SPTBN1: variants seen among roughly 807,000 people sequenced by gnomAD.
SPTBN1 encodes spectrin beta chain, non-erythrocytic 1.
Under a neutral mutation model 266.4 loss-of-function variants are expected in SPTBN1, and 32 were observed. The observed-to-expected ratio is 0.12, with a 90% CI of 0.09 to 0.16. The LOEUF (loss-of-function observed/expected upper bound fraction) is 0.16. SPTBN1 is among the 10% of genes least tolerant of loss of function. SPTBN1 has a pLI of 1.00. For synonymous variants in SPTBN1, 1,336 were observed against 1,162.2 expected, an observed-to-expected ratio of 1.15 and a Z score of -3.04; for missense variants, 2,296 against 3,067.1, an observed-to-expected ratio of 0.75 and a Z score of 5.94.
chr2:54,621,648 C>G (rs1312704084), intron 8 of SPTBN1, 136 bp downstream of exon 8: 3 of 627,678 alleles, frequency 4.8e-6, no homozygotes, highest in Non-Finnish European at 8.6e-6. Context: ...CGGCAGAAGC[C>G]TCTTCATCCT....
chr2:54,580,997 C>T (rs1674857725), intron 2 of SPTBN1, among the ~76,000 whole-genome samples: 1 of 151,854 alleles, frequency 6.6e-6, no homozygotes, highest in African/African-American at 2.4e-5. Context: ...ACTTGGGTGG[C>T]TGAGGCACGA....
rs1036835213 is a variant in SPTBN1, at chr2:54,622,558, T to A, written c.1064+71T>A. On this transcript the variant is annotated intron_variant, in intron 9 of 35. Coordinates refer to ENST00000356805, the MANE Select transcript of SPTBN1 (RefSeq NM_003128.3). Reference sequence around the variant, plus strand: ...CACTGTAGCCAACAGATCCCTATGTTCTGATTTCTGTAATCTCATCTCTTA... The same window carrying A: ...CACTGTAGCCAACAGATCCCTATGTACTGATTTCTGTAATCTCATCTCTTA... 8 of 1,529,272 alleles carry A rather than the reference T, an allele frequency of 5.2e-6. No homozygotes were observed. In the African/African-American group the frequency reaches 1.1e-4, roughly 21 times the overall value. The allele number at this position is 1,529,272 out of a possible 1,614,324, so 94.7% of individuals were successfully genotyped here.
chr2:54,614,002 C>G (rs1392589440), intron 4 of SPTBN1, among the ~76,000 whole-genome samples: 2 of 152,230 alleles, frequency 1.3e-5, no homozygotes, highest in South Asian at 4.1e-4. Context: ...TCAGGATTCT[C>G]AGCGTGAATT....
At chr2:54,472,022 G>GTTTATTTTT (rs1693949855) in intron 1 of SPTBN1, among the ~76,000 whole-genome samples, 1 of 66,802 alleles carries the variant, frequency 1.5e-5, no homozygotes, top group Non-Finnish European at 2.6e-5. Context: ...CCCTGAAGAT[G>GTTTATTTTT]TTTTTTTTTT....
At chr2:54,655,298 G>A in intron 28 of SPTBN1, 90 bp downstream of exon 28, 1 of 1,509,054 alleles carries the variant, frequency 6.6e-7, no homozygotes, top group Non-Finnish European at 9.0e-7. Context: ...GAGATACTGT[G>A]TTTACATTCT....
chr2:54,660,282 TTTTG>T lies in SPTBN1; in HGVS notation c.6420+287_6420+290del, dbSNP rs554852936. On this transcript the variant is annotated intron_variant, in intron 32 of 35. Coordinates refer to ENST00000356805, the MANE Select transcript of SPTBN1 (RefSeq NM_003128.3). Reference sequence around the variant, plus strand: ...CTTGCCTTAAAGCAGCATACTTATTTTTTGTTTATTTATTGTGAGCTTTTTACTT... The same window carrying T: ...CTTGCCTTAAAGCAGCATACTTATTTTTTATTTATTGTGAGCTTTTTACTT... 386 of 1,291,046 alleles carry T rather than the reference TTTTG, an allele frequency of 3.0e-4. 3 individuals carry two copies. The African/African-American group carries it at 5.2e-3, about 17-fold the overall frequency. The allele number at this position is 1,291,046 out of a possible 1,614,324, so 80.0% of individuals were successfully genotyped here.
At chr2:54,549,079 T>C (rs1233962564) in intron 2 of SPTBN1, among the ~76,000 whole-genome samples, 1 of 152,126 alleles carries the variant, frequency 6.6e-6, no homozygotes, top group African/African-American at 2.4e-5. Flanking sequence ...GAAGGGTAGA[T>C]CACTTGAGGT....
At position 54,612,816 on chromosome 2, in the gene SPTBN1, T is replaced by G. The variant is rs565244116; in HGVS notation, c.474+482T>G. Among the ~76,000 whole-genome samples, 7 of 152,330 alleles carry G rather than the reference T, an allele frequency of 4.6e-5. No homozygotes were observed. In the South Asian group the frequency reaches 1.0e-3, roughly 23 times the overall value. ...TGTGGGCTCCATTTTCACCTTCTCA[T>G]TCTCTTTGGATGTGAGGAAGCAGTT... On this transcript the variant is annotated intron_variant, in intron 4 of 35. Transcript: ENST00000356805.
At chr2:54,557,829 A>G in intron 2 of SPTBN1, 2 of 985,124 alleles carry the variant, frequency 2.0e-6, no homozygotes, top group Non-Finnish European at 2.4e-6. Flanking sequence ...GCCCGAACTT[A>G]CACCTCCCCT....
At chr2:54,559,206 G>A (rs1218237141) in intron 2 of SPTBN1, among the ~76,000 whole-genome samples, 1 of 152,140 alleles carries the variant, frequency 6.6e-6, no homozygotes, top group Non-Finnish European at 1.5e-5. Context: ...TTAGTATGCA[G>A]GTATTTGATT....
chr2:54,595,294 A>C (rs1675993274), intron 2 of SPTBN1, among the ~76,000 whole-genome samples: 1 of 152,180 alleles, frequency 6.6e-6, no homozygotes, highest in Admixed American at 6.6e-5. Flanking sequence ...ACGTAAGCTT[A>C]GTAAACTGCG....
chr2:54,538,955 C>A (rs1671776440), intron 2 of SPTBN1, among the ~76,000 whole-genome samples: 1 of 152,144 alleles, frequency 6.6e-6, no homozygotes, highest in Non-Finnish European at 1.5e-5. Flanking sequence ...CCAAGCTCTC[C>A]CCACTGCCTC....
chr2:54,508,381 C>T (rs1669683876), intron 1 of SPTBN1, among the ~76,000 whole-genome samples: 1 of 152,118 alleles, frequency 6.6e-6, no homozygotes, highest in Admixed American at 6.6e-5. Context: ...GGGGCAAATC[C>T]CCGAGCTTGA....
At chr2:54,467,043 C>G (rs1693673031) in intron 1 of SPTBN1, among the ~76,000 whole-genome samples, 1 of 152,014 alleles carries the variant, frequency 6.6e-6, no homozygotes, top group Non-Finnish European at 1.5e-5. Flanking sequence ...CAGGAGGAAT[C>G]AGCCACTAAT....
rs1048908351 is a variant in SPTBN1, at chr2:54,653,008, A to G, written c.5578-601A>G. The G allele has an allele frequency of 1.3e-5, 2 of 152,162 alleles. No individual in the cohort carries two copies. Among genetic ancestry groups the G allele is most frequent in the African/African-American group, 4.8e-5 (2 of 41,426 alleles). 9.4% of individuals were successfully genotyped at this position (152,162 alleles called of 1,614,324 possible). On this transcript the variant is annotated intron_variant, in intron 26 of 35. Coordinates refer to ENST00000356805, the MANE Select transcript of SPTBN1 (RefSeq NM_003128.3). This position sits in a 1 kb window ranked among gnomAD's most constrained non-coding sequence, Gnocchi z 5.1. ...TTTACCAAATCACAATTCTCAATGTATATTTTTAGTTTTGCAAGGTTTTTG... is the reference window on the plus strand; with the variant it reads ...TTTACCAAATCACAATTCTCAATGTGTATTTTTAGTTTTGCAAGGTTTTTG...
Position 54,558,423 on chromosome 2 carries a change from G to T in SPTBN1, c.148+31857G>T. 9.8e-7 allele frequency: 1 copy of T among 1,020,450 alleles called. No homozygotes were observed. Among genetic ancestry groups the T allele is most frequent in the Non-Finnish European group, 1.2e-6 (1 of 853,038 alleles). The allele number at this position is 1,020,450 out of a possible 1,614,324, so 63.2% of individuals were successfully genotyped here. On this transcript the variant is annotated intron_variant, in intron 2 of 35. Coordinates refer to ENST00000356805, the MANE Select transcript of SPTBN1 (RefSeq NM_003128.3). The surrounding 1 kb of genome is among the most constrained non-coding windows in gnomAD (Gnocchi z 4.6). ...TGCGCGCTGCGCCCGCGAGCTCCCG[G>T]GCTCGGCAACCGTGGCATGCTTAGG... is the stretch of plus-strand genomic sequence containing the variant.
chr2:54,592,915 G>T (rs563723402), intron 2 of SPTBN1, among the ~76,000 whole-genome samples: 1 of 152,330 alleles, frequency 6.6e-6, no homozygotes, highest in Admixed American at 6.5e-5. Flanking sequence ...CTTTGCTAGA[G>T]ATAACTCTAG....
chr2:54,525,046 C>A (rs1410075082), intron 1 of SPTBN1, among the ~76,000 whole-genome samples: 1 of 152,138 alleles, frequency 6.6e-6, no homozygotes, highest in Admixed American at 6.5e-5. Context: ...GTCCTTATTG[C>A]GTTCATTTTT....
rs1246199112 is a variant in SPTBN1, at chr2:54,600,821, GT to G, written c.300+1590del. On this transcript the variant is annotated intron_variant, in intron 3 of 35. Coordinates refer to ENST00000356805, the MANE Select transcript of SPTBN1 (RefSeq NM_003128.3). ...GTTAGTCTGAACATTTATTTTTGTG[GT>G]TTTTTTTTTTTAATTTATTTTTGTT... is the stretch of plus-strand genomic sequence containing the variant. Among the ~76,000 whole-genome samples the G allele has an allele frequency of 1.1e-3, 157 of 141,304 alleles. No homozygotes were observed. The Middle Eastern group carries it at 0.011, about 10-fold the overall frequency. The allele number at this position is 141,304 out of a possible 152,430, so 92.7% of individuals were successfully genotyped here. A position where few individuals can be genotyped will look rare whatever the true frequency, so the allele number is the denominator to read the frequency against.
Sources: gnomAD v4.1 joint callset for allele counts (sites outside exome capture counted in the v4.1 genomes callset) on GRCh38, gnomAD v4.1.1 for gene constraint, Gnocchi (gnomAD v3.1) non-coding constraint, MANE v1.5 for transcripts, NCBI Gene and HGNC (gene_info 2026-07-23, HGNC 2026-07-21) for gene names.